The following TCF25 variants were observed in gnomAD, a reference collection of about 807,000 sequenced individuals.
TCF25 encodes TCF25 ribosome quality control complex subunit.
A neutral mutation model predicts 83.1 loss-of-function variants in TCF25; 41 were observed. The ratio of observed to expected loss-of-function variants is 0.49; its 90% CI spans 0.38 to 0.64. TCF25 has a LOEUF of 0.64. Ranked by LOEUF, TCF25 falls within the 30% of genes least tolerant of loss-of-function variation. TCF25 has a pLI of 0.00. For synonymous variants in TCF25, 458 were observed against 365.0 expected (o/e 1.25, Z -2.90); for missense variants, 979 against 914.5 (o/e 1.07, Z -0.91).
At chr16:89,904,333 T>C in intron 13 of TCF25, 128 bp downstream of exon 13, 1 of 1,031,746 alleles carries the variant, frequency 9.7e-7, no homozygotes, top group Non-Finnish European at 1.5e-6. Context: ...GGTGGCGGCC[T>C]CGGGGACTGT....
chr16:89,887,522 A>G (rs2043109197), intron 4 of TCF25, 130 bp from the exon 5 acceptor site: 2 of 756,102 alleles, frequency 2.6e-6, no homozygotes, highest in East Asian at 3.6e-5. Flanking sequence ...TTTTAGAGAA[A>G]GGCCTGGAAG....
intron 1 of TCF25, among the ~76,000 whole-genome samples, chr16:89,880,993 G>A (rs1042505266): frequency 9.2e-5 from 14 of 152,216 alleles, no homozygotes; most frequent in Non-Finnish European, 1.5e-4. Context: ...GACAAACCTC[G>A]TTTTGGTGGA....
In TCF25 at chr16:89,905,015, T is replaced by A; in HGVS notation, c.1547T>A (p.Met516Lys). ...TTTCTCTGGAAAGAGCCCGCCACCA[T>A]GAGCTGGCTGGAGGAGAACGTCCAC... ...SHFLWKEPATMSWLEENVHEV... is the reference protein window; with the variant it reads ...SHFLWKEPATKSWLEENVHEV... The change falls in exon 14 of 18, where the codon ATG becomes AAG. Residue 516 changes from methionine to lysine, a missense_variant. By Grantham distance (95) the Met-to-Lys change is moderately conservative. Transcript: ENST00000263346. 2 of 1,604,406 alleles carry A rather than the reference T, an allele frequency of 1.2e-6. No individual in the cohort carries two copies. The highest frequency in any genetic ancestry group is 1.7e-6 in the Non-Finnish European group (2 of 1,175,962).
At chr16:89,885,824 A>G (rs765866735) in intron 3 of TCF25, 24 bp from the exon 4 acceptor site, 1 of 1,553,052 alleles carries the variant, frequency 6.4e-7, no homozygotes, top group Non-Finnish European at 8.9e-7. Context: ...TGTGGTGATT[A>G]AGAGGTTGTT....
intron 16 of TCF25, 90 bp from the exon 17 acceptor site, chr16:89,910,501 G>A: frequency 1.5e-6 from 2 of 1,370,668 alleles, no homozygotes; most frequent in Non-Finnish European, 2.1e-6. Context: ...CCCTGCGAGG[G>A]AGGCAGCTGG....
chr16:89,879,077 G>A (rs933514503), intron 1 of TCF25, among the ~76,000 whole-genome samples: 1 of 152,202 alleles, frequency 6.6e-6, no homozygotes, highest in Non-Finnish European at 1.5e-5. Context: ...TGCTGTCTGT[G>A]TACACAGATG....
chr16:89,877,592 G>A lies in TCF25; in HGVS notation c.192+3733G>A, dbSNP rs576543453. On this transcript the variant is annotated intron_variant, in intron 1 of 17. Coordinates refer to ENST00000263346, the MANE Select transcript of TCF25 (RefSeq NM_014972.3). ...TACCTGAAACTTCTACCTTAAACTA[G>A]AAAAAGAGCAAATTAAACTCAAAAT... is the stretch of plus-strand genomic sequence containing the variant. Among the ~76,000 whole-genome samples, 11 of 152,226 alleles carry A rather than the reference G, an allele frequency of 7.2e-5. No individual in the cohort carries two copies. In the South Asian group the frequency reaches 2.3e-3, roughly 32 times the overall value.
chr16:89,884,445 A>T, intron 2 of TCF25, 137 bp from the exon 3 acceptor site: 2 of 786,068 alleles, frequency 2.5e-6, no homozygotes, highest in Non-Finnish European at 4.2e-6. Context: ...GAAGAGAGTG[A>T]GTTGAAGGAA....
intron 12 of TCF25, among the ~76,000 whole-genome samples, chr16:89,903,328 G>T (rs1318929796): frequency 6.6e-6 from 1 of 152,236 alleles, no homozygotes; most frequent in Non-Finnish European, 1.5e-5. Flanking sequence ...CTGGGCACAG[G>T]TGGCCTCCGC....
intron 1 of TCF25, among the ~76,000 whole-genome samples, chr16:89,877,815 C>T (rs769932224): frequency 5.3e-5 from 8 of 152,116 alleles, no homozygotes; most frequent in Non-Finnish European, 8.8e-5. Context: ...TTCACAGGTA[C>T]AGATGGTGCA....
intron 12 of TCF25, among the ~76,000 whole-genome samples, chr16:89,903,643 T>C (rs2044530802): frequency 6.6e-6 from 1 of 151,874 alleles, no homozygotes; most frequent in South Asian, 2.1e-4. Flanking sequence ...CTGTCTCTAC[T>C]AAACATACAA....
At chr16:89,882,275 C>A (rs2042665196) in intron 1 of TCF25, among the ~76,000 whole-genome samples, 1 of 152,224 alleles carries the variant, frequency 6.6e-6, no homozygotes, top group South Asian at 2.1e-4. Flanking sequence ...TGGCTCACGC[C>A]TGTAACTCCA....
chr16:89,875,820 C>CTTTTTTTTT lies in TCF25; in HGVS notation c.192+1981_192+1989dup, dbSNP rs1164528945. Among the ~76,000 whole-genome samples the CTTTTTTTTT allele has an allele frequency of 4.0e-3, 261 of 64,858 alleles. 47 individuals are homozygous for CTTTTTTTTT. The highest frequency in any genetic ancestry group is 0.033 in the South Asian group (60 of 1,796). The allele number at this position is 64,858 out of a possible 152,430, so 42.5% of individuals were successfully genotyped here. A position where few individuals can be genotyped will look rare whatever the true frequency, so the allele number is the denominator to read the frequency against. On this transcript the variant is annotated intron_variant, in intron 1 of 17. Coordinates refer to ENST00000263346, the MANE Select transcript of TCF25 (RefSeq NM_014972.3). ...TACAGGCGTGAGCCACTGCGCCTGG[C>CTTTTTTTTT]TTTTTTTTTTTTTTTTTTTTTTTTT...
At chr16:89,902,634 A>C (rs2044432012) in intron 12 of TCF25, among the ~76,000 whole-genome samples, 1 of 146,088 alleles carries the variant, frequency 6.8e-6, no homozygotes, top group Admixed American at 6.7e-5. Context: ...GCTTGCAGTG[A>C]GCCGAGATCG....
At chr16:89,901,115 A>G in intron 12 of TCF25, 1 of 244,628 alleles carries the variant, frequency 4.1e-6, no homozygotes, top group Non-Finnish European at 8.1e-6. Context: ...AGAGCAAAGC[A>G]GGGGAAGGTC....
chr16:89,894,970 A>C, intron 7 of TCF25, 68 bp from the exon 8 acceptor site: 1 of 1,447,150 alleles, frequency 6.9e-7, no homozygotes, highest in Non-Finnish European at 9.6e-7. Context: ...TGTCTGAAAA[A>C]AAGGCATGCC....
Position 89,911,179 on chromosome 16 carries a change from C to T in TCF25, c.1972C>T (p.Leu658Phe), listed in dbSNP as rs1247526540. ...AVRDMMANFH[L>F]NDLEAPHEDD... ...GCGCGACATGATGGCCAACTTCCAC[C>T]TCAACGACCTGGAGGCGCCGCACGA... The change falls in exon 18 of 18, where the codon CTC (leucine) becomes TTC (phenylalanine). Residue 658 changes from leucine (L) to phenylalanine (F), a missense_variant. Leu to Phe is a conservative substitution (Grantham distance 22). Coordinates refer to ENST00000263346, the MANE Select transcript of TCF25 (RefSeq NM_014972.3). 1.9e-6 allele frequency: 3 copies of T among 1,612,412 alleles called. No individual in the cohort carries two copies. The highest frequency in any genetic ancestry group is 2.5e-6 in the Non-Finnish European group (3 of 1,179,966).
chr16:89,904,971 G>A lies in TCF25; in HGVS notation c.1503G>A (p.Leu501=), dbSNP rs771870546. ...QPPALSQLVN[L]YLGRSHFLWK... ...CTGCCCTGAGCCAGCTGGTGAACCT[G>A]TACCTTGGGAGGTCACACTTTCTCT... is the stretch of plus-strand genomic sequence containing the variant. The change falls in exon 14 of 18, where the codon CTG becomes CTA. Residue 501 remains leucine (L), a synonymous_variant. Coordinates refer to ENST00000263346, the MANE Select transcript of TCF25 (RefSeq NM_014972.3). The A allele has an allele frequency of 3.7e-6, 6 of 1,608,396 alleles. No individual in the cohort carries two copies. Among genetic ancestry groups the A allele is most frequent in the South Asian group, 1.1e-5 (1 of 90,054 alleles).
At chr16:89,895,915 G>A in intron 8 of TCF25, 75 bp from the exon 9 acceptor site, 1 of 1,356,328 alleles carries the variant, frequency 7.4e-7, no homozygotes, top group Non-Finnish European at 1.0e-6. Flanking sequence ...TTTCCTTGTT[G>A]TCCATTATCA....
Sources: gnomAD v4.1 joint callset for allele counts (sites outside exome capture counted in the v4.1 genomes callset) on GRCh38, gnomAD v4.1.1 for gene constraint, MANE v1.5 for transcripts, NCBI Gene and HGNC (gene_info 2026-07-23, HGNC 2026-07-21) for gene names.